The following SNX29 variants were observed in gnomAD, a reference collection of about 807,000 sequenced individuals.
The protein encoded by SNX29 is sorting nexin 29, also known as sorting nexin-29.
A neutral mutation model predicts 102.1 loss-of-function variants in SNX29; 78 were observed. The ratio of observed to expected loss-of-function variants is 0.76; its 90% CI spans 0.64 to 0.92. The LOEUF is 0.92. SNX29 is among the 40% of genes least tolerant of loss of function. The pLI is 0.00. For missense variants in SNX29, 1,280 were observed against 1,061.7 expected (o/e 1.21, Z -2.86); for synonymous variants, 580 against 414.5 (o/e 1.40, Z -4.85).
intron 9 of SNX29, among the ~76,000 whole-genome samples, chr16:12,067,032 T>TAAGC (rs1230179803): frequency 3.7e-4 from 51 of 138,964 alleles, no homozygotes; most frequent in African/African-American, 1.2e-3. Context: ...AATAAATAAA[T>TAAGC]AAGCAGGCCA....
At chr16:12,532,616 C>CTCTT (rs1489834515) in intron 20 of SNX29, among the ~76,000 whole-genome samples, 2 of 152,180 alleles carry the variant, frequency 1.3e-5, no homozygotes, top group African/African-American at 2.4e-5. Flanking sequence ...TTTGGAAACA[C>CTCTT]TCTTTGGGAT....
rs2085554458 is a variant in SNX29, at chr16:12,436,663, GA to G, written c.2037+33135del. Among the ~76,000 whole-genome samples the G allele has an allele frequency of 3.9e-5, 6 of 152,208 alleles. No individual in the cohort carries two copies. In the South Asian group the frequency reaches 1.2e-3, roughly 32 times the overall value. ...ATCTTTAGGCACTTTCTGACCGGGGGACTTTGGCTGTGTCCTTTTGAGACAC... is the reference window on the plus strand; with the variant it reads ...ATCTTTAGGCACTTTCTGACCGGGGGCTTTGGCTGTGTCCTTTTGAGACAC... On this transcript the variant is annotated intron_variant, in intron 18 of 20. Transcript: ENST00000566228.
intron 13 of SNX29, among the ~76,000 whole-genome samples, chr16:12,168,575 A>G (rs186388397): frequency 1.0e-3 from 155 of 152,188 alleles, no homozygotes; most frequent in African/African-American, 3.7e-3. Context: ...TGCCCTCGTG[A>G]CCTTGGAATG....
chr16:12,166,672 G>T (rs1476549609), intron 13 of SNX29, among the ~76,000 whole-genome samples: 2 of 152,158 alleles, frequency 1.3e-5, no homozygotes, highest in African/African-American at 2.4e-5. Flanking sequence ...AAAACCCAAA[G>T]ATCCCGTGTA....
At chr16:12,488,164 A>G (rs937911069) in intron 19 of SNX29, among the ~76,000 whole-genome samples, 1 of 152,218 alleles carries the variant, frequency 6.6e-6, no homozygotes, top group Non-Finnish European at 1.5e-5. Flanking sequence ...TCATTTATAG[A>G]CAAAAGAATC....
chr16:12,100,661 G>A (rs758459224), intron 11 of SNX29, among the ~76,000 whole-genome samples: 3 of 150,830 alleles, frequency 2.0e-5, no homozygotes, highest in African/African-American at 2.4e-5. Flanking sequence ...CAGAGGGAAC[G>A]GCCAGGACAG....
chr16:12,522,630 G>A (rs1227152768), intron 19 of SNX29, among the ~76,000 whole-genome samples: 1 of 152,096 alleles, frequency 6.6e-6, no homozygotes, highest in Non-Finnish European at 1.5e-5. Context: ...GGCACCTCCC[G>A]CTTCACTGTC....
Position 12,568,714 on chromosome 16 carries a change from G to C in SNX29, c.*85G>C, listed in dbSNP as rs189403883. 1.2e-4 allele frequency: 179 copies of C among 1,539,942 alleles called. 1 individual carries two copies. The African/African-American group carries it at 2.1e-3, about 18-fold the overall frequency. On this transcript the variant is annotated 3_prime_UTR_variant, in exon 21 of 21. Coordinates refer to ENST00000566228, the MANE Select transcript of SNX29 (RefSeq NM_032167.5). The stretch of plus-strand genomic sequence containing the variant: ...ACTGCCGCTGGCCCCTCACCTCAGC[G>C]TGACAACCACGTCCACCTGGTGATC...
chr16:12,029,869 G>A (rs2057293280), intron 4 of SNX29: 3 of 332,422 alleles, frequency 9.0e-6, no homozygotes, highest in African/African-American at 2.2e-5. Flanking sequence ...TGGGATTACA[G>A]GCATGAGCCA....
intron 8 of SNX29, chr16:12,053,265 CAAGAGAGA>C (rs2050380169): frequency 8.9e-6 from 1 of 112,102 alleles, no homozygotes; most frequent in African/African-American, 3.4e-5. Flanking sequence ...GCCTGGGCAA[CAAGAGAGA>C]AGGTCCTTCT....
At position 12,419,472 on chromosome 16, in the gene SNX29, G is replaced by T. The variant is rs912557744; in HGVS notation, c.2037+15943G>T. On this transcript the variant is annotated intron_variant, in intron 18 of 20. Coordinates refer to ENST00000566228, the MANE Select transcript of SNX29 (RefSeq NM_032167.5). ...GGGAGGAGGAAATCCAGCTCAGATT[G>T]ACAGGAAACAGATGACATTCATTGA... Among the ~76,000 whole-genome samples the T allele has an allele frequency of 2.4e-4, 36 of 152,124 alleles. 1 individual carries two copies. The highest frequency in any genetic ancestry group is 5.9e-5 in the Non-Finnish European group (4 of 68,028).
At chr16:12,475,723 G>A (rs1393085036) in intron 18 of SNX29, among the ~76,000 whole-genome samples, 1 of 152,254 alleles carries the variant, frequency 6.6e-6, no homozygotes, top group East Asian at 1.9e-4. Context: ...CACATCACTA[G>A]CCTGGAAAAA....
At chr16:12,540,534 G>A (rs1169601006) in intron 20 of SNX29, among the ~76,000 whole-genome samples, 2 of 152,226 alleles carry the variant, frequency 1.3e-5, no homozygotes, top group Non-Finnish European at 2.9e-5. Context: ...TTGTTTCGCG[G>A]CTTCCTGGCA....
intron 11 of SNX29, among the ~76,000 whole-genome samples, chr16:12,091,454 G>C (rs1471203928): frequency 1.3e-5 from 2 of 152,254 alleles, no homozygotes; most frequent in African/African-American, 4.8e-5. Flanking sequence ...TAGGTCATGA[G>C]GCTGGAGCCC....
intron 14 of SNX29, among the ~76,000 whole-genome samples, chr16:12,204,385 G>T (rs952116506): frequency 3.9e-5 from 6 of 152,168 alleles, no homozygotes; most frequent in Admixed American, 2.6e-4. Context: ...GATTATTTCT[G>T]TGGAATTGTC....
At chr16:12,453,146 A>T (rs2086380676) in intron 18 of SNX29, among the ~76,000 whole-genome samples, 1 of 152,190 alleles carries the variant, frequency 6.6e-6, no homozygotes, top group African/African-American at 2.4e-5. Context: ...CAGACGAACC[A>T]ACTGCTGTAA....
chr16:12,479,018 A>G (rs1387484415), intron 19 of SNX29, among the ~76,000 whole-genome samples: 1 of 152,180 alleles, frequency 6.6e-6, no homozygotes, highest in Non-Finnish European at 1.5e-5. Context: ...CGGGCATTGT[A>G]TTGAGCATGA....
At chr16:12,563,977 G>C (rs1248009724) in intron 20 of SNX29, among the ~76,000 whole-genome samples, 2 of 142,818 alleles carry the variant, frequency 1.4e-5, no homozygotes, top group South Asian at 2.2e-4. Context: ...TTTCAGATAA[G>C]GTTCCCTCTG....
In SNX29 at chr16:12,551,759, T is replaced by G. The variant is rs576080711; in HGVS notation, c.2319-16747T>G. Among the ~76,000 whole-genome samples, 4 of 152,334 alleles carry G rather than the reference T, an allele frequency of 2.6e-5. No individual in the cohort carries two copies. In the East Asian group the frequency reaches 7.7e-4, roughly 29 times the overall value. On this transcript the variant is annotated intron_variant, in intron 20 of 20. Transcript: ENST00000566228. Reference sequence around the variant, plus strand: ...CAAGAAATACTTCCTGGCTGCCTTGTACACATACCAGGGGCCCGCTTCAGA... The same window carrying G: ...CAAGAAATACTTCCTGGCTGCCTTGGACACATACCAGGGGCCCGCTTCAGA...
Sources: allele counts gnomAD v4.1 joint callset (sites outside exome capture counted in the v4.1 genomes callset), GRCh38; gene constraint gnomAD v4.1.1; transcripts MANE v1.5; gene names NCBI Gene and HGNC (gene_info 2026-07-23, HGNC 2026-07-21).